TCP11L1: variants seen among roughly 807,000 people sequenced by gnomAD.
TCP11L1 encodes the protein T-complex protein 11-like protein 1.
A neutral mutation model predicts 48.9 loss-of-function variants in TCP11L1; 28 were observed. The ratio of observed to expected loss-of-function variants is 0.57; its 90% confidence interval spans 0.42 to 0.78. The LOEUF (loss-of-function observed/expected upper bound fraction) is 0.78. Ranked by LOEUF, TCP11L1 falls within the 30% of genes least tolerant of loss-of-function variation. TCP11L1 has a pLI of 0.00. For synonymous variants in TCP11L1, 204 were observed against 231.9 expected (o/e 0.88, Z 1.09); for missense variants, 505 against 613.4 (o/e 0.82, Z 1.87).
At chr11:33,045,786 C>T (rs1853974375) in intron 2 of TCP11L1, among the ~76,000 whole-genome samples, 3 of 152,140 alleles carry the variant, frequency 2.0e-5, no homozygotes, top group African/African-American at 7.2e-5. Flanking sequence ...AGTATGGAGG[C>T]TGCGAAGGCC....
chr11:33,053,263 G>T (rs1160675356), intron 2 of TCP11L1, among the ~76,000 whole-genome samples: 1 of 150,430 alleles, frequency 6.6e-6, no homozygotes, highest in Non-Finnish European at 1.5e-5. Flanking sequence ...TTTCGCCTCA[G>T]CCTCCCAAGG....
chr11:33,060,276 G>C (rs1854430888), intron 6 of TCP11L1, among the ~76,000 whole-genome samples: 1 of 152,176 alleles, frequency 6.6e-6, no homozygotes, highest in Admixed American at 6.5e-5. Context: ...AGGACTCACT[G>C]GTAGGGTGGA....
chr11:33,069,052 G>A (rs1302958784), intron 9 of TCP11L1, among the ~76,000 whole-genome samples, 193 bp downstream of exon 9: 6 of 152,092 alleles, frequency 3.9e-5, no homozygotes. Flanking sequence ...ATTGTTCTAA[G>A]GGCTGCAACC....
At chr11:33,041,596 C>G (rs1473381652) in intron 1 of TCP11L1, among the ~76,000 whole-genome samples, 3 of 152,040 alleles carry the variant, frequency 2.0e-5, no homozygotes, top group East Asian at 3.9e-4. Context: ...ACTAAAAATA[C>G]GAAAATTAGC....
intron 5 of TCP11L1, among the ~76,000 whole-genome samples, chr11:33,058,371 G>A (rs958240182): frequency 6.6e-6 from 1 of 151,892 alleles, no homozygotes; most frequent in Non-Finnish European, 1.5e-5. Context: ...GCTAATTTTT[G>A]TATTTTTAGT....
At chr11:33,063,847 C>T (rs1047898621) in intron 7 of TCP11L1, among the ~76,000 whole-genome samples, 1 of 152,178 alleles carries the variant, frequency 6.6e-6, no homozygotes, top group Non-Finnish European at 1.5e-5. Flanking sequence ...CCGTTTTGTG[C>T]TGGAGGAAGC....
chr11:33,040,831 G>C (rs554630564), intron 1 of TCP11L1: 1 of 151,746 alleles, frequency 6.6e-6, no homozygotes, highest in East Asian at 1.9e-4. Context: ...TCCTTTTAAA[G>C]ATCAGTTCAA....
At chr11:33,070,424 G>A (rs1854747846) in intron 9 of TCP11L1, among the ~76,000 whole-genome samples, 1 of 152,190 alleles carries the variant, frequency 6.6e-6, no homozygotes, top group South Asian at 2.1e-4. Context: ...AGTGGCTCAT[G>A]CCTATAATCC....
chr11:33,064,568 G>T (rs930556729), intron 7 of TCP11L1, among the ~76,000 whole-genome samples: 3 of 147,460 alleles, frequency 2.0e-5, no homozygotes, highest in East Asian at 2.1e-4. Context: ...TCTTTAACAT[G>T]GGGGAGGCAG....
chr11:33,044,688 C>T (rs897778514), intron 2 of TCP11L1, among the ~76,000 whole-genome samples: 1 of 152,278 alleles, frequency 6.6e-6, no homozygotes, highest in African/African-American at 2.4e-5. Flanking sequence ...GATCAAAGCC[C>T]TTCCCGGGCA....
At chr11:33,062,554 A>G (rs1854498122) in intron 7 of TCP11L1, among the ~76,000 whole-genome samples, 1 of 152,216 alleles carries the variant, frequency 6.6e-6, no homozygotes, top group Non-Finnish European at 1.5e-5. Flanking sequence ...TGTCCAGTTC[A>G]GTGGCATTAA....
intron 8 of TCP11L1, among the ~76,000 whole-genome samples, chr11:33,067,322 T>G (rs1344326303): frequency 6.6e-6 from 1 of 152,220 alleles, no homozygotes; most frequent in Non-Finnish European, 1.5e-5. Context: ...CAGAGACTTC[T>G]TCAAGGGAAG....
intron 2 of TCP11L1, among the ~76,000 whole-genome samples, chr11:33,048,184 A>AT (rs35718306): frequency 2.1e-4 from 31 of 148,268 alleles, no homozygotes; most frequent in South Asian, 2.1e-4. Flanking sequence ...GTATCTTTAC[A>AT]TTTTTTTTTT....
At chr11:33,067,058 A>C in intron 8 of TCP11L1, among the ~76,000 whole-genome samples, 1 of 152,174 alleles carries the variant, frequency 6.6e-6, no homozygotes, top group Non-Finnish European at 1.5e-5. Flanking sequence ...GAAGGTCATG[A>C]GAGAAACCAG....
rs147170036 is a variant in TCP11L1 at position 33,051,678 on chromosome 11, C to T, written c.164-2915C>T. ...TTCGCTGTGTTGTCCAGGCTGGTCT[C>T]GAACTCCTGGCCTCAAGCAGTCCAC... On this transcript the variant is annotated intron_variant, in intron 2 of 9. Coordinates refer to ENST00000334274, the MANE Select transcript of TCP11L1 (RefSeq NM_018393.4). Among the ~76,000 whole-genome samples, 23 of 152,152 alleles carry T rather than the reference C, an allele frequency of 1.5e-4. No homozygotes were observed. The East Asian group carries it at 3.1e-3, about 21-fold the overall frequency.
At chr11:33,068,018 G>A (rs1854668797) in intron 8 of TCP11L1, among the ~76,000 whole-genome samples, 1 of 152,036 alleles carries the variant, frequency 6.6e-6, no homozygotes, top group African/African-American at 2.4e-5. Flanking sequence ...CTGGATTCAA[G>A]TGATTCTCCT....
At chr11:33,070,991 A>G (rs1289269831) in intron 9 of TCP11L1, among the ~76,000 whole-genome samples, 4 of 150,518 alleles carry the variant, frequency 2.7e-5, no homozygotes, top group Admixed American at 6.6e-5. Flanking sequence ...GACGAGGGAA[A>G]CTCCATCTCA....
intron 9 of TCP11L1, among the ~76,000 whole-genome samples, 192 bp from the exon 10 acceptor site, chr11:33,072,282 T>C (rs1462693505): frequency 6.6e-6 from 1 of 152,018 alleles, no homozygotes; most frequent in African/African-American, 2.4e-5. Flanking sequence ...AAACTAACCA[T>C]CTAGAGGGGA....
At chr11:33,058,897 CTT>C in intron 5 of TCP11L1, 60 bp from the exon 6 acceptor site, 1 of 1,584,520 alleles carries the variant, frequency 6.3e-7, no homozygotes, top group Non-Finnish European at 8.6e-7. Flanking sequence ...GTCTGGTCCT[CTT>C]TTCCTTTAAT....
Sources: allele counts gnomAD v4.1 joint callset (sites outside exome capture counted in the v4.1 genomes callset), GRCh38; gene constraint gnomAD v4.1.1; transcripts MANE v1.5; gene names NCBI Gene and HGNC (gene_info 2026-07-23, HGNC 2026-07-21).